Variants in ZNF141 observed in about 807,000 individuals in gnomAD.
ZNF141 encodes zinc finger protein 141.
A neutral mutation model predicts 11.3 loss-of-function variants in ZNF141; 7 were observed. The ratio of observed to expected loss-of-function variants is 0.62; its 90% CI spans 0.35 to 1.16. The LOEUF (loss-of-function observed/expected upper bound fraction) is 1.16, where lower values mean the gene tolerates loss of function less well. ZNF141 is among the 50% of genes most tolerant of loss of function. ZNF141 has a pLI of 0.02. For synonymous variants in ZNF141, 183 were observed against 190.7 expected, an observed-to-expected ratio of 0.96 and a Z score of 0.33; for missense variants, 535 against 554.0, an observed-to-expected ratio of 0.97 and a Z score of 0.34.
At chr4:345,205 AG>A (rs776606107) in intron 3 of ZNF141, among the ~76,000 whole-genome samples, 17 of 152,198 alleles carry the variant, frequency 1.1e-4, no homozygotes, top group Non-Finnish European at 2.5e-4. Flanking sequence ...TTTTCTACTT[AG>A]TGTTTTTTAA....
At chr4:358,212 A>T (rs1581605202) in intron 3 of ZNF141, 2 of 337,150 alleles carry the variant, frequency 5.9e-6, no homozygotes, top group Non-Finnish European at 5.5e-6. Context: ...TTAAAGATGG[A>T]GTTTCGCTCT....
At position 353,466 on chromosome 4, in the gene ZNF141, A is replaced by ATT. The variant is rs200906693; in HGVS notation, c.226+9048_226+9049dup. On this transcript the variant is annotated intron_variant, in intron 3 of 3. Coordinates refer to ENST00000240499, the MANE Select transcript of ZNF141 (RefSeq NM_003441.4). ...TTATTAATTTATTATTATTATTATT[A>ATT]TTTTTTTTTTTTTGGAGACAGAGTC... is the stretch of plus-strand genomic sequence containing the variant. Among the ~76,000 whole-genome samples the ATT allele has an allele frequency of 4.5e-5, 6 of 134,594 alleles. 1 individual carries two copies. The highest frequency in any genetic ancestry group is 4.6e-4 in the South Asian group (2 of 4,302). The allele number at this position is 134,594 out of a possible 152,430, so 88.3% of individuals were successfully genotyped here.
In ZNF141 at chr4:374,027, C is replaced by A; in HGVS notation, c.*165C>A. On this transcript the variant is annotated 3_prime_UTR_variant, in exon 4 of 4. Transcript: ENST00000240499. ...TTGATAAACATAAGAGAATTCATAC[C>A]GGAGAGAAACTGTACAAATGTGAAG... 1 of 665,620 alleles carries A rather than the reference C, an allele frequency of 1.5e-6. No homozygotes were observed. Among genetic ancestry groups the A allele is most frequent in the Non-Finnish European group, 2.6e-6 (1 of 382,426 alleles). 41.2% of individuals were successfully genotyped at this position (665,620 alleles called of 1,614,324 possible). A position where few individuals can be genotyped will look rare whatever the true frequency, so the allele number is the denominator to read the frequency against.
chr4:374,101 A>C lies in ZNF141; in HGVS notation c.*239A>C. ...TCCACAAACCTGAATGAGCAGAAGA[A>C]AATTATTACTGGAGATAAACCCTGC... On this transcript the variant is annotated 3_prime_UTR_variant, in exon 4 of 4. Coordinates refer to ENST00000240499, the MANE Select transcript of ZNF141 (RefSeq NM_003441.4). The C allele has an allele frequency of 1.9e-6, 1 of 535,444 alleles. No individual in the cohort carries two copies. The highest frequency in any genetic ancestry group is 3.3e-6 in the Non-Finnish European group (1 of 300,978). The allele number at this position is 535,444 out of a possible 1,614,324, so 33.2% of individuals were successfully genotyped here.
chr4:354,196 C>T (rs1211101842), intron 3 of ZNF141, among the ~76,000 whole-genome samples: 3 of 152,184 alleles, frequency 2.0e-5, no homozygotes, highest in Admixed American at 6.5e-5. Flanking sequence ...ATCTAGAGCA[C>T]TAACCAGTCC....
At chr4:355,428 A>T (rs531573878) in intron 3 of ZNF141, among the ~76,000 whole-genome samples, 1 of 151,856 alleles carries the variant, frequency 6.6e-6, no homozygotes, top group Admixed American at 6.6e-5. Flanking sequence ...CTGGTCTCGA[A>T]CTCCTGATTG....
In ZNF141 at chr4:381,937, C is replaced by G. The variant is rs1712638014; in HGVS notation, c.*8075C>G. Among the ~76,000 whole-genome samples the G allele has an allele frequency of 7.7e-6, 1 of 129,350 alleles. No homozygotes were observed. Among genetic ancestry groups the G allele is most frequent in the Admixed American group, 7.4e-5 (1 of 13,568 alleles). The allele number at this position is 129,350 out of a possible 152,430, so 84.9% of individuals were successfully genotyped here. ...ACCAAGCAGCTAGGGCCACCACCATCTCTGGGAACTTTTTTTTTTTTTTTT... is the reference window on the plus strand; with the variant it reads ...ACCAAGCAGCTAGGGCCACCACCATGTCTGGGAACTTTTTTTTTTTTTTTT... On this transcript the variant is annotated 3_prime_UTR_variant, in exon 4 of 4. Transcript: ENST00000240499.
chr4:371,356 C>T (rs1051178028), intron 3 of ZNF141, among the ~76,000 whole-genome samples: 11 of 151,578 alleles, frequency 7.3e-5, no homozygotes, highest in Admixed American at 2.6e-4. Context: ...CTCAGCCTTC[C>T]GAGTAGCTGG....
At chr4:364,355 G>T (rs1711625053) in intron 3 of ZNF141, among the ~76,000 whole-genome samples, 1 of 152,068 alleles carries the variant, frequency 6.6e-6, no homozygotes, top group South Asian at 2.1e-4. Flanking sequence ...ATTAATTATT[G>T]CCTCAATTTC....
chr4:343,812 G>T lies in ZNF141; in HGVS notation c.34G>T (p.Glu12Ter). Residue 12 changes from glutamate (E) to a stop codon, truncating the protein, a stop_gained, in exon 2 of 4, where the codon GAA becomes TAA. Coordinates refer to ENST00000240499, the MANE Select transcript of ZNF141 (RefSeq NM_003441.4). LOFTEE classifies it high-confidence loss of function. ...ELLTFRDVAI[E>*]FSPEEWKCLD... is the part of the protein sequence containing the mutation. ...CTTAACATTCAGGGATGTGGCCATA[G>T]AATTCTCTCCAGAAGAGTGGAAATG... 2 of 1,584,682 alleles carry T rather than the reference G, an allele frequency of 1.3e-6. No individual in the cohort carries two copies. Among genetic ancestry groups the T allele is most frequent in the Non-Finnish European group, 1.7e-6 (2 of 1,165,962 alleles).
At position 383,011 on chromosome 4, in the gene ZNF141, T is replaced by A; in HGVS notation, c.*9149T>A. ...GATTCTGTTTCCCAAACCTTGAACT[T>A]CTCTTGACTTATCTGCACTGGCACA... is the stretch of plus-strand genomic sequence containing the variant. On this transcript the variant is annotated 3_prime_UTR_variant, in exon 4 of 4. Coordinates refer to ENST00000240499, the MANE Select transcript of ZNF141 (RefSeq NM_003441.4). The A allele has an allele frequency of 1.8e-6, 1 of 542,330 alleles. No homozygotes were observed. Among genetic ancestry groups the A allele is most frequent in the Non-Finnish European group, 3.2e-6 (1 of 307,878 alleles). The allele number at this position is 542,330 out of a possible 1,614,324, so 33.6% of individuals were successfully genotyped here. A position where few individuals can be genotyped will look rare whatever the true frequency, so the allele number is the denominator to read the frequency against.
intron 1 of ZNF141, 128 bp from the exon 2 acceptor site, chr4:343,654 G>A: frequency 1.8e-6 from 2 of 1,096,106 alleles, no homozygotes; most frequent in Non-Finnish European, 2.4e-6. Context: ...GAACCTGGGA[G>A]GCGGAGCTTG....
chr4:357,219 A>C (rs1387607889), intron 3 of ZNF141, among the ~76,000 whole-genome samples: 3 of 152,128 alleles, frequency 2.0e-5, no homozygotes, highest in Non-Finnish European at 4.4e-5. Context: ...CTCCCAATGT[A>C]CTAGGATTAC....
chr4:372,247 C>A lies in ZNF141; in HGVS notation c.227-417C>A, dbSNP rs551580457. ...ACTCTGTGGTATTGGAGACAGAAAC[C>A]AGGTTTTGTAAAGACACTCAAAAGC... On this transcript the variant is annotated intron_variant, in intron 3 of 3. Transcript: ENST00000240499. Among the ~76,000 whole-genome samples, 14 of 152,284 alleles carry A rather than the reference C, an allele frequency of 9.2e-5. 1 individual carries two copies. In the South Asian group the frequency reaches 2.9e-3, roughly 32 times the overall value.
intron 3 of ZNF141, among the ~76,000 whole-genome samples, chr4:354,702 A>C (rs1455895527): frequency 6.6e-6 from 1 of 151,976 alleles, no homozygotes; most frequent in Non-Finnish European, 1.5e-5. Flanking sequence ...AATTCCCAGA[A>C]CTGCTTTTGT....
At chr4:345,407 G>A (rs1721272368) in intron 3 of ZNF141, among the ~76,000 whole-genome samples, 1 of 152,116 alleles carries the variant, frequency 6.6e-6, no homozygotes, top group Admixed American at 6.5e-5. Context: ...TTAAAGCATG[G>A]ATTTCCAACA....
intron 3 of ZNF141, among the ~76,000 whole-genome samples, chr4:355,460 C>A (rs1721797320): frequency 6.6e-6 from 1 of 152,134 alleles, no homozygotes; most frequent in East Asian, 1.9e-4. Flanking sequence ...GCTGCCTGGG[C>A]CTCCCAAAGT....
rs946961943 is a variant in ZNF141 at position 375,228 on chromosome 4, G to A, written c.*1366G>A. On this transcript the variant is annotated 3_prime_UTR_variant, in exon 4 of 4. Coordinates refer to ENST00000240499, the MANE Select transcript of ZNF141 (RefSeq NM_003441.4). ...TTCAGAAAATATAGGCCTTTAAAGT[G>A]AAGAAGAGTATTCTTAAGACAAACA... The A allele has an allele frequency of 3.9e-5, 6 of 152,062 alleles. No homozygotes were observed. Among genetic ancestry groups the A allele is most frequent in the African/African-American group, 1.4e-4 (6 of 41,426 alleles). 9.4% of individuals were successfully genotyped at this position (152,062 alleles called of 1,614,324 possible). A position where few individuals can be genotyped will look rare whatever the true frequency, so the allele number is the denominator to read the frequency against.
intron 3 of ZNF141, among the ~76,000 whole-genome samples, chr4:366,360 G>A (rs1000648196): frequency 1.3e-5 from 2 of 152,216 alleles, no homozygotes; most frequent in Non-Finnish European, 2.9e-5. Context: ...CCAGGCTGGA[G>A]TGCAATGGCA....
Sources: allele counts gnomAD v4.1 joint callset (sites outside exome capture counted in the v4.1 genomes callset), GRCh38; gene constraint gnomAD v4.1.1; transcripts MANE v1.5; gene names NCBI Gene and HGNC (gene_info 2026-07-23, HGNC 2026-07-21).